The following GALK2 variants were observed in gnomAD, a reference collection of about 807,000 sequenced individuals.
GALK2 encodes galactokinase 2.
A neutral mutation model predicts 52.4 loss-of-function variants in GALK2; 36 were observed. The observed-to-expected ratio is 0.69, with a 90% confidence interval of 0.53 to 0.91. GALK2 has a LOEUF of 0.91. GALK2 is among the 40% of genes least tolerant of loss of function. The pLI, the probability that GALK2 is intolerant of heterozygous loss-of-function variation, is 0.00. For missense variants in GALK2, 579 were observed against 559.1 expected (o/e 1.04, Z -0.36); for synonymous variants, 176 against 199.1 (o/e 0.88, Z 0.98).
intron 1 of GALK2, among the ~76,000 whole-genome samples, chr15:49,193,004 T>C (rs929212245): frequency 6.7e-6 from 1 of 149,722 alleles, no homozygotes. Context: ...TACCTTTTTT[T>C]TTTTTTTTTT....
chr15:49,324,609 T>TTGAC (rs1233910923), intron 9 of GALK2, among the ~76,000 whole-genome samples: 1 of 152,098 alleles, frequency 6.6e-6, no homozygotes, highest in East Asian at 1.9e-4. Context: ...CTGTGGTTTC[T>TTGAC]TGACTGTAAA....
intron 5 of GALK2, among the ~76,000 whole-genome samples, chr15:49,254,964 C>T (rs2091753683): frequency 7.0e-6 from 1 of 143,806 alleles, no homozygotes; most frequent in African/African-American, 2.5e-5. Context: ...TCCTTGGAAA[C>T]ATTTTGCCAC....
chr15:49,301,801 G>T (rs1212392320), intron 8 of GALK2, among the ~76,000 whole-genome samples: 1 of 152,158 alleles, frequency 6.6e-6, no homozygotes, highest in Non-Finnish European at 1.5e-5. Flanking sequence ...GTGCTGGTCA[G>T]TTCCTGACTC....
chr15:49,296,427 G>A (rs2034483991), intron 8 of GALK2, among the ~76,000 whole-genome samples: 1 of 152,118 alleles, frequency 6.6e-6, no homozygotes. Flanking sequence ...TCCCTCAGCT[G>A]CATCCATGTT....
At chr15:49,310,045 C>T (rs183747853) in intron 8 of GALK2, among the ~76,000 whole-genome samples, 1 of 152,212 alleles carries the variant, frequency 6.6e-6, no homozygotes, top group Non-Finnish European at 1.5e-5. Flanking sequence ...TCCCCCACTA[C>T]CCTTCCTGGC....
chr15:49,339,664 C>T (rs2040365482), intron 3 of GALK2, among the ~76,000 whole-genome samples: 1 of 152,196 alleles, frequency 6.6e-6, no homozygotes, highest in South Asian at 2.1e-4. Context: ...GCTGGGAGAT[C>T]CGCTGCTGTC....
chr15:49,237,971 G>T (rs2090914764), intron 4 of GALK2, among the ~76,000 whole-genome samples: 1 of 152,108 alleles, frequency 6.6e-6, no homozygotes, highest in Non-Finnish European at 1.5e-5. Context: ...TTGAAATCAG[G>T]AAGAGAAGTA....
intron 3 of GALK2, among the ~76,000 whole-genome samples, chr15:49,218,946 C>T (rs1189553651): frequency 6.6e-6 from 1 of 152,160 alleles, no homozygotes; most frequent in Non-Finnish European, 1.5e-5. Context: ...CCACTTCAGT[C>T]TCCGGAGTAG....
chr15:49,164,154 A>G (rs2084741304), intron 1 of GALK2, among the ~76,000 whole-genome samples: 2 of 152,190 alleles, frequency 1.3e-5, no homozygotes, highest in Admixed American at 1.3e-4. Flanking sequence ...CCAGACTGCA[A>G]TTATATCTTT....
intron 5 of GALK2, 111 bp from the exon 6 acceptor site, chr15:49,281,876 T>C: frequency 1.4e-6 from 1 of 691,774 alleles, no homozygotes; most frequent in Non-Finnish European, 2.5e-6. Context: ...CTACTATTAG[T>C]TGATCAGAGT....
chr15:49,201,039 T>C, intron 1 of GALK2, 123 bp from the exon 2 acceptor site: 1 of 471,226 alleles, frequency 2.1e-6, no homozygotes, highest in East Asian at 3.4e-5. Context: ...TAATTAATGG[T>C]GGCAGGCATA....
chr15:49,251,616 C>A (rs1467947003), intron 5 of GALK2, among the ~76,000 whole-genome samples: 1 of 152,114 alleles, frequency 6.6e-6, no homozygotes, highest in African/African-American at 2.4e-5. Flanking sequence ...AGAGCTTGTC[C>A]AGCTTGTTTG....
At chr15:49,281,428 T>A (rs2032678641) in intron 5 of GALK2, among the ~76,000 whole-genome samples, 1 of 152,220 alleles carries the variant, frequency 6.6e-6, no homozygotes, top group African/African-American at 2.4e-5. Context: ...TAAACAGATA[T>A]TTCAAGATTT....
At position 49,329,809 on chromosome 15, in the gene GALK2, A is replaced by C; in HGVS notation, c.*1650A>C. ...TTTAAAGATACCTGGATCAGTGTAA[A>C]AAAAAAAAAAAAAAGGCACCTGTCA... On this transcript the variant is annotated 3_prime_UTR_variant, in exon 10 of 10. Coordinates refer to ENST00000560031, the MANE Select transcript of GALK2 (RefSeq NM_002044.4). 1.3e-5 allele frequency: 9 copies of C among 707,718 alleles called. No individual in the cohort carries two copies. The highest frequency in any genetic ancestry group is 1.6e-5 in the Non-Finnish European group (9 of 576,752). The allele number at this position is 707,718 out of a possible 1,614,324, so 43.8% of individuals were successfully genotyped here.
downstream of GALK2, among the ~76,000 whole-genome samples, chr15:49,334,826 A>C (rs1008853978): frequency 3.3e-5 from 5 of 152,188 alleles, no homozygotes; most frequent in Admixed American, 2.6e-4. Flanking sequence ...AGTAACCTTG[A>C]CAGCATGGAT....
chr15:49,176,933 CTTG>C (rs748310176), intron 1 of GALK2, among the ~76,000 whole-genome samples: 50 of 152,258 alleles, frequency 3.3e-4, no homozygotes, highest in Middle Eastern at 3.4e-3. Context: ...GTCCAACCAA[CTTG>C]TTGTAACACT....
At chr15:49,293,051 T>C (rs2034100027) in intron 8 of GALK2, among the ~76,000 whole-genome samples, 1 of 152,194 alleles carries the variant, frequency 6.6e-6, no homozygotes, top group African/African-American at 2.4e-5. Flanking sequence ...AGGCACAGGA[T>C]GGAGTCTTGG....
chr15:49,306,676 A>G (rs969015741), intron 8 of GALK2, among the ~76,000 whole-genome samples: 1 of 152,194 alleles, frequency 6.6e-6, no homozygotes, highest in African/African-American at 2.4e-5. Flanking sequence ...CATGTTTCTC[A>G]TAGTCCTTCT....
chr15:49,206,336 T>A (rs2088282536), intron 2 of GALK2, among the ~76,000 whole-genome samples: 1 of 151,900 alleles, frequency 6.6e-6, no homozygotes, highest in Non-Finnish European at 1.5e-5. Context: ...ATGAATTTTA[T>A]AATTGTTTTT....
Sources: allele counts gnomAD v4.1 joint callset (sites outside exome capture counted in the v4.1 genomes callset), GRCh38; gene constraint gnomAD v4.1.1; transcripts MANE v1.5; gene names NCBI Gene and HGNC (gene_info 2026-07-23, HGNC 2026-07-21).